SH2D4B: variants seen among roughly 807,000 people sequenced by gnomAD.
SH2D4B encodes SH2 domain-containing protein 4B.
In SH2D4B, 45 loss-of-function variants were observed where a neutral mutation model predicts 61.5. The ratio of observed to expected loss-of-function variants is 0.73; its 90% CI spans 0.58 to 0.94. The LOEUF (loss-of-function observed/expected upper bound fraction) is 0.94, where lower values mean the gene tolerates loss of function less well. Ranked by LOEUF, SH2D4B falls within the 40% of genes least tolerant of loss-of-function variation. The probability of loss-of-function intolerance (pLI) is 0.00; values close to 1 mark genes in which losing one functional copy is unlikely to be tolerated. For synonymous variants in SH2D4B, 224 were observed against 220.4 expected, an observed-to-expected ratio of 1.02 and a Z score of -0.14; for missense variants, 572 against 574.2, an observed-to-expected ratio of 1.00 and a Z score of 0.04.
chr10:80,540,814 GGT>G, intron 1 of SH2D4B: 1 of 1,549,146 alleles, frequency 6.5e-7, no homozygotes, highest in Non-Finnish European at 8.7e-7. Context: ...GGTGAGGCTT[GGT>G]TCAAAGCAGC....
chr10:80,614,713 G>A (rs1263835012), intron 6 of SH2D4B, among the ~76,000 whole-genome samples: 1 of 152,218 alleles, frequency 6.6e-6, no homozygotes, highest in African/African-American at 2.4e-5. Context: ...GGCAAACACT[G>A]CTGATATTGC....
At chr10:80,608,691 C>T (rs1842550858) in intron 5 of SH2D4B, among the ~76,000 whole-genome samples, 1 of 152,100 alleles carries the variant, frequency 6.6e-6, no homozygotes, top group Non-Finnish European at 1.5e-5. Context: ...CCTCCTCCCG[C>T]CCTCCGTGCC....
chr10:80,632,896 C>A (rs1331611931), intron 6 of SH2D4B, among the ~76,000 whole-genome samples: 1 of 151,646 alleles, frequency 6.6e-6, no homozygotes, highest in Non-Finnish European at 1.5e-5. Flanking sequence ...ACTCTTCTTC[C>A]TTTTCTGCTT....
At chr10:80,564,751 GA>G (rs141146115) in intron 1 of SH2D4B, among the ~76,000 whole-genome samples, 1 of 152,310 alleles carries the variant, frequency 6.6e-6, no homozygotes, top group Non-Finnish European at 1.5e-5. Context: ...GGCCAAAACA[GA>G]ATATTGATAT....
intron 1 of SH2D4B, among the ~76,000 whole-genome samples, chr10:80,552,443 G>A (rs1459222644): frequency 6.6e-6 from 1 of 152,190 alleles, no homozygotes; most frequent in Non-Finnish European, 1.5e-5. Context: ...TCTCCCCTGG[G>A]ATTCTTTTCT....
At chr10:80,581,081 C>T (rs2132124950) in intron 3 of SH2D4B, among the ~76,000 whole-genome samples, 1 of 152,284 alleles carries the variant, frequency 6.6e-6, no homozygotes, top group African/African-American at 2.4e-5. Context: ...TTTGTCGTCC[C>T]CATCCTTGTG....
intron 4 of SH2D4B, among the ~76,000 whole-genome samples, chr10:80,601,966 G>C (rs1842455557): frequency 6.6e-6 from 1 of 152,140 alleles, no homozygotes; most frequent in Non-Finnish European, 1.5e-5. Flanking sequence ...CAAAATAGTT[G>C]GATTTTAGAG....
intron 7 of SH2D4B, among the ~76,000 whole-genome samples, chr10:80,634,792 C>G (rs1842878144): frequency 6.6e-6 from 1 of 152,212 alleles, no homozygotes; most frequent in Non-Finnish European, 1.5e-5. Context: ...CCTGTTAACA[C>G]AAGGACTGGA....
chr10:80,586,376 A>G (rs1341470827), intron 3 of SH2D4B, among the ~76,000 whole-genome samples: 1 of 151,456 alleles, frequency 6.6e-6, no homozygotes, highest in Non-Finnish European at 1.5e-5. Context: ...ATGTCTAGCT[A>G]GGGGATTGTA....
At chr10:80,638,033 A>C (rs1402879538) in intron 7 of SH2D4B, among the ~76,000 whole-genome samples, 1 of 152,138 alleles carries the variant, frequency 6.6e-6, no homozygotes, top group South Asian at 2.1e-4. Context: ...TTCTGCATCT[A>C]TTGTGATAAT....
chr10:80,587,295 T>G (rs1842271057), intron 3 of SH2D4B, among the ~76,000 whole-genome samples: 1 of 151,958 alleles, frequency 6.6e-6, no homozygotes, highest in Non-Finnish European at 1.5e-5. Context: ...TTGTTTTTTC[T>G]TTGAGATGGA....
intron 4 of SH2D4B, among the ~76,000 whole-genome samples, chr10:80,596,999 A>C (rs920683734): frequency 6.6e-6 from 1 of 152,234 alleles, no homozygotes; most frequent in Non-Finnish European, 1.5e-5. Context: ...CATAACAATA[A>C]AAATAAAAAT....
Position 80,591,843 on chromosome 10 carries a change from A to G in SH2D4B, c.643+3066A>G, listed in dbSNP as rs1036227729. On this transcript the variant is annotated intron_variant, in intron 4 of 7. Coordinates refer to ENST00000646907, the MANE Select transcript of SH2D4B (RefSeq NM_001388272.1). ...GGCCTGCTCTCTTGATAGCTAACCA[A>G]CTCCCATGATGACCCATTAACCCAT... 6.6e-5 allele frequency among the ~76,000 whole-genome samples: 10 copies of G among 151,858 alleles called. No homozygotes were observed. In the East Asian group the frequency reaches 1.6e-3, roughly 24 times the overall value.
chr10:80,572,973 TATATATATATATA>T (rs373683590), intron 3 of SH2D4B, among the ~76,000 whole-genome samples: 545 of 11,780 alleles, frequency 0.046, 18 homozygotes, highest in African/African-American at 0.14. Flanking sequence ...TATATATATA[TATATATATATATA>T]TTTTTTTTTT....
At chr10:80,545,531 CCTCTT>C (rs747344249) in intron 1 of SH2D4B, among the ~76,000 whole-genome samples, 12 of 152,010 alleles carry the variant, frequency 7.9e-5, no homozygotes, top group Non-Finnish European at 1.8e-4. Context: ...CTTTTCTCCT[CCTCTT>C]CTCCGCTTTC....
At chr10:80,584,575 A>T (rs1021504360) in intron 3 of SH2D4B, among the ~76,000 whole-genome samples, 18 of 152,264 alleles carry the variant, frequency 1.2e-4, no homozygotes, top group African/African-American at 4.3e-4. Context: ...TTAAGAGGAT[A>T]AAAGTGTTGC....
intron 4 of SH2D4B, among the ~76,000 whole-genome samples, chr10:80,599,390 T>C (rs1029403220): frequency 6.6e-6 from 1 of 152,174 alleles, no homozygotes; most frequent in Non-Finnish European, 1.5e-5. Context: ...GTGCCACATA[T>C]TTTTGGTGTT....
Position 80,603,739 on chromosome 10 carries a change from A to G in SH2D4B, c.804A>G (p.Arg268=), listed in dbSNP as rs775630965. 1.4e-5 allele frequency: 23 copies of G among 1,612,932 alleles called. No homozygotes were observed. Among genetic ancestry groups the G allele is most frequent in the Non-Finnish European group, 1.9e-5 (22 of 1,179,868 alleles). The change falls in exon 5 of 8, where the codon AGA becomes AGG. Residue 268 remains arginine, a synonymous_variant. Coordinates refer to ENST00000646907, the MANE Select transcript of SH2D4B (RefSeq NM_001388272.1). ...GCCAGAGCCATGAGCAGGAGGCAAG[A>G]CTCTACCACCACCTCCCCGACCCGG... The part of the protein sequence containing the change: ...ELGQSHEQEA[R]LYHHLPDPGL...
chr10:80,583,653 G>A (rs1842210465), intron 3 of SH2D4B, among the ~76,000 whole-genome samples: 1 of 152,088 alleles, frequency 6.6e-6, no homozygotes, highest in Non-Finnish European at 1.5e-5. Context: ...CTGGGTGACA[G>A]TGAGACTCTG....
Sources: gnomAD v4.1 joint callset for allele counts (sites outside exome capture counted in the v4.1 genomes callset) on GRCh38, gnomAD v4.1.1 for gene constraint, MANE v1.5 for transcripts, NCBI Gene and HGNC (gene_info 2026-07-23, HGNC 2026-07-21) for gene names.